The following SMOC2 variants were observed in gnomAD, a reference collection of about 807,000 sequenced individuals.
SMOC2 encodes the protein SPARC-related modular calcium-binding protein 2.
SMOC2 carries 39 observed loss-of-function variants against 61.4 expected under a neutral mutation model. That is an observed-to-expected ratio of 0.64 (90% CI 0.49 to 0.83). The LOEUF is 0.83. Among genes scored for constraint, SMOC2 ranks in the 40% least tolerant of loss-of-function variants. The pLI is 0.00. For missense variants in SMOC2, 556 were observed against 592.9 expected (o/e 0.94, Z 0.65); for synonymous variants, 247 against 239.9 (o/e 1.03, Z -0.27).
rs536954031 is a variant in SMOC2 at position 168,465,182 on chromosome 6, A to G, written c.84+23728A>G. Among the ~76,000 whole-genome samples, 18 of 152,352 alleles carry G rather than the reference A, an allele frequency of 1.2e-4. No homozygotes were observed. The Middle Eastern group carries it at 0.01, about 86-fold the overall frequency. ...ACACACACATTCCTTTCTCTTTTTA[A>G]CAACAAAATGAATCTCTTTGTTTTT... is the stretch of plus-strand genomic sequence containing the variant. On this transcript the variant is annotated intron_variant, in intron 1 of 12. Coordinates refer to ENST00000356284, the MANE Select transcript of SMOC2 (RefSeq NM_001166412.2).
At chr6:168,568,341 T>A (rs146325021) in intron 7 of SMOC2, among the ~76,000 whole-genome samples, 116 of 152,346 alleles carry the variant, frequency 7.6e-4, no homozygotes, top group African/African-American at 2.7e-3. Flanking sequence ...AGAAAAAAAT[T>A]ATGCAGAAAG....
intron 11 of SMOC2, among the ~76,000 whole-genome samples, chr6:168,656,045 G>A (rs1787314700): frequency 6.6e-6 from 1 of 152,238 alleles, no homozygotes; most frequent in South Asian, 2.1e-4. Flanking sequence ...AGCTCTCACT[G>A]TCCTTGGGGA....
At chr6:168,525,157 A>C (rs1336375797) in intron 2 of SMOC2, among the ~76,000 whole-genome samples, 1 of 152,262 alleles carries the variant, frequency 6.6e-6, no homozygotes, top group Non-Finnish European at 1.5e-5. Flanking sequence ...TTAAAATTCA[A>C]ATAAGCTATA....
intron 1 of SMOC2, among the ~76,000 whole-genome samples, chr6:168,505,237 CA>C (rs1782843680): frequency 1.5e-5 from 1 of 67,948 alleles, no homozygotes; most frequent in African/African-American, 6.7e-5. Flanking sequence ...TCTCAGATGC[CA>C]GATGAATGAG....
At chr6:168,549,306 A>C (rs1025008237) in intron 7 of SMOC2, 103 bp downstream of exon 7, 4 of 1,066,060 alleles carry the variant, frequency 3.8e-6, no homozygotes, top group Non-Finnish European at 5.7e-6. Flanking sequence ...TTGACCCTTG[A>C]ACAACATGGG....
intron 11 of SMOC2, among the ~76,000 whole-genome samples, chr6:168,653,588 A>G (rs1484614859): frequency 3.1e-3 from 405 of 131,270 alleles, no homozygotes; most frequent in Middle Eastern, 0.026. Flanking sequence ...GCTCCAACCA[A>G]ATGTTAGGAA....
intron 11 of SMOC2, among the ~76,000 whole-genome samples, chr6:168,660,854 G>C (rs184708994): frequency 7.2e-5 from 11 of 152,352 alleles, no homozygotes; most frequent in Admixed American, 3.3e-4. Context: ...AGCACAGCGC[G>C]ATCTCTTCTG....
intron 1 of SMOC2, among the ~76,000 whole-genome samples, chr6:168,482,783 C>T (rs1782237823): frequency 6.6e-6 from 1 of 151,936 alleles, no homozygotes; most frequent in Admixed American, 6.6e-5. Context: ...ATCATAGTAA[C>T]AGAATGAATA....
At chr6:168,646,606 A>C (rs1266696427) in intron 9 of SMOC2, among the ~76,000 whole-genome samples, 1 of 152,236 alleles carries the variant, frequency 6.6e-6, no homozygotes, top group Admixed American at 6.5e-5. Flanking sequence ...GAACACATTC[A>C]TTTTAAACGA....
At chr6:168,546,436 CAATT>C (rs1784002615) in intron 5 of SMOC2, among the ~76,000 whole-genome samples, 1 of 152,080 alleles carries the variant, frequency 6.6e-6, no homozygotes, top group African/African-American at 2.4e-5. Context: ...GTGTGTGTGT[CAATT>C]AATTAAATAC....
At chr6:168,619,278 T>A (rs1284960489) in intron 9 of SMOC2, among the ~76,000 whole-genome samples, 1 of 152,180 alleles carries the variant, frequency 6.6e-6, no homozygotes, top group Non-Finnish European at 1.5e-5. Context: ...CTGCGTTACT[T>A]TGAAAGTTAT....
chr6:168,584,104 A>G (rs1784986320), intron 7 of SMOC2, among the ~76,000 whole-genome samples: 1 of 152,180 alleles, frequency 6.6e-6, no homozygotes, highest in South Asian at 2.1e-4. Flanking sequence ...TAGTAACAAG[A>G]CTTGGGGTGG....
chr6:168,477,739 A>G (rs892118779), intron 1 of SMOC2, among the ~76,000 whole-genome samples: 4 of 152,094 alleles, frequency 2.6e-5, no homozygotes, highest in African/African-American at 9.7e-5. Flanking sequence ...GAGGTGGGGA[A>G]AGTACTTTGG....
chr6:168,543,030 G>A (rs1164687831), intron 4 of SMOC2, among the ~76,000 whole-genome samples: 1 of 152,200 alleles, frequency 6.6e-6, no homozygotes. Flanking sequence ...CTAATGAAGA[G>A]GGGGAAGTGG....
intron 7 of SMOC2, among the ~76,000 whole-genome samples, chr6:168,576,808 G>A (rs73789132): frequency 0.024 from 3,721 of 152,138 alleles, 146 homozygotes; most frequent in African/African-American, 0.073. Flanking sequence ...GAGACTCATC[G>A]TCGATGTGAA....
chr6:168,547,432 C>T (rs59470079), intron 6 of SMOC2, among the ~76,000 whole-genome samples: 19,670 of 151,728 alleles, frequency 0.13, 3,737 homozygotes, highest in African/African-American at 0.42. Flanking sequence ...ATGGAGGAAA[C>T]AGAGGGATGA....
intron 1 of SMOC2, among the ~76,000 whole-genome samples, chr6:168,492,732 G>A (rs1782496651): frequency 6.6e-6 from 1 of 152,178 alleles, no homozygotes; most frequent in African/African-American, 2.4e-5. Flanking sequence ...GACAAAATGT[G>A]GATGGTGACC....
intron 1 of SMOC2, among the ~76,000 whole-genome samples, chr6:168,505,521 CT>C (rs1379400058): frequency 6.6e-6 from 1 of 151,178 alleles, no homozygotes; most frequent in East Asian, 2.0e-4. Context: ...GGATGAATGA[CT>C]GAATGAAATG....
chr6:168,534,741 T>G (rs1268117551), intron 4 of SMOC2, among the ~76,000 whole-genome samples: 1 of 152,230 alleles, frequency 6.6e-6, no homozygotes, highest in Non-Finnish European at 1.5e-5. Context: ...TAGTGTACAT[T>G]TAATTTGGCG....
Sources: allele counts gnomAD v4.1 joint callset (sites outside exome capture counted in the v4.1 genomes callset), GRCh38; gene constraint gnomAD v4.1.1; transcripts MANE v1.5; gene names NCBI Gene and HGNC (gene_info 2026-07-23, HGNC 2026-07-21).